Variants in ATP6V0A4 observed in about 807,000 individuals in gnomAD.
The protein encoded by ATP6V0A4 is ATPase H+ transporting V0 subunit a4, also known as V-type proton ATPase 116 kDa subunit a 4.
ATP6V0A4 carries 86 observed loss-of-function variants against 107.3 expected under a neutral mutation model. The observed-to-expected ratio is 0.80, with a 90% CI of 0.67 to 0.96. The LOEUF (loss-of-function observed/expected upper bound fraction) is 0.96, where lower values mean the gene tolerates loss of function less well. ATP6V0A4 is among the 40% of genes least tolerant of loss of function. The pLI, the probability that ATP6V0A4 is intolerant of heterozygous loss-of-function variation, is 0.00. For missense variants in ATP6V0A4, 908 were observed against 1,045.6 expected (o/e 0.87, Z 1.81); for synonymous variants, 353 against 381.4 (o/e 0.93, Z 0.87).
intron 2 of ATP6V0A4, among the ~76,000 whole-genome samples, chr7:138,777,546 A>T (rs1807715595): frequency 6.8e-6 from 1 of 147,454 alleles, no homozygotes; most frequent in Admixed American, 6.9e-5. Flanking sequence ...ACCCGGAAGG[A>T]GGAGGTTGTG....
At chr7:138,784,239 T>TATATATATATATACATATATATATATAC (rs1320407494) in intron 2 of ATP6V0A4, among the ~76,000 whole-genome samples, 5 of 9,640 alleles carry the variant, frequency 5.2e-4, no homozygotes, top group Admixed American at 1.5e-3. Flanking sequence ...TATATACGTA[T>TATATATATATATACATATATATATATAC]ATATATATAT....
intron 19 of ATP6V0A4, among the ~76,000 whole-genome samples, chr7:138,718,577 C>CATGGGGGGGA (rs748280500): frequency 2.4e-5 from 1 of 41,216 alleles, no homozygotes; most frequent in Non-Finnish European, 4.2e-5. Flanking sequence ...TCCGGAGAGG[C>CATGGGGGGGA]ATGGGGCGGA....
intron 1 of ATP6V0A4, among the ~76,000 whole-genome samples, chr7:138,789,968 CAAAAAAAAAAAAA>C (rs34413519): frequency 0.59 from 75,483 of 127,244 alleles, 20,127 homozygotes; most frequent in South Asian, 0.68. Flanking sequence ...GACTCTGTCT[CAAAAAAAAAAAAA>C]AAAAAAAAAG....
intron 18 of ATP6V0A4, among the ~76,000 whole-genome samples, chr7:138,724,103 T>C (rs983305021): frequency 2.0e-5 from 3 of 147,776 alleles, no homozygotes; most frequent in African/African-American, 7.6e-5. Context: ...GACAGGAGGA[T>C]CTCTTGAGCC....
At chr7:138,776,516 C>T (rs781711572) in intron 2 of ATP6V0A4, among the ~76,000 whole-genome samples, 44 of 152,200 alleles carry the variant, frequency 2.9e-4, no homozygotes, top group Non-Finnish European at 5.1e-4. Flanking sequence ...CATATGAGCT[C>T]CAGAGGCACT....
chr7:138,781,748 G>T (rs1375172943), intron 2 of ATP6V0A4, among the ~76,000 whole-genome samples: 2 of 151,966 alleles, frequency 1.3e-5, no homozygotes, highest in Non-Finnish European at 2.9e-5. Context: ...ACTCCAGTAT[G>T]ATGTGAAATG....
intron 20 of ATP6V0A4, among the ~76,000 whole-genome samples, chr7:138,711,495 CAAT>C (rs34590290): frequency 0.029 from 4,346 of 152,264 alleles, 82 homozygotes; most frequent in Middle Eastern, 0.092. Flanking sequence ...TAAAAGGTCA[CAAT>C]GATGTAGCCC....
rs77345506 is a variant in ATP6V0A4, at chr7:138,721,565, C to T, written c.2139+332G>A. Among the ~76,000 whole-genome samples the T allele has an allele frequency of 6.7e-3, 1,023 of 152,180 alleles. 3 individuals carry two copies. The highest frequency in any genetic ancestry group is 0.012 in the Non-Finnish European group (788 of 68,002). On this transcript the variant is annotated intron_variant, in intron 19 of 21. Transcript: ENST00000310018. ...AAACAAAAAAGAGAGCTTATAGGGG[C>T]GTGGTGCTGAGCCAAGGAGTCCTCA...
At chr7:138,734,777 CAAAAA>C (rs528307650) in intron 15 of ATP6V0A4, among the ~76,000 whole-genome samples, 50 of 108,920 alleles carry the variant, frequency 4.6e-4, no homozygotes, top group African/African-American at 6.8e-4. Flanking sequence ...GACTCTGTCT[CAAAAA>C]AAAAAAAAAA....
intron 2 of ATP6V0A4, among the ~76,000 whole-genome samples, chr7:138,777,406 G>C (rs1204373461): frequency 6.6e-6 from 1 of 151,978 alleles, no homozygotes; most frequent in Non-Finnish European, 1.5e-5. Context: ...CCTGAGGTCA[G>C]GAGTTCAAGA....
intron 2 of ATP6V0A4, among the ~76,000 whole-genome samples, chr7:138,782,231 T>C (rs1343851250): frequency 6.6e-6 from 1 of 152,234 alleles, no homozygotes; most frequent in African/African-American, 2.4e-5. Flanking sequence ...ACTTGGCTGC[T>C]GGTGGTTGCT....
intron 1 of ATP6V0A4, among the ~76,000 whole-genome samples, chr7:138,794,659 T>A (rs923881111): frequency 8.3e-5 from 12 of 144,388 alleles, no homozygotes; most frequent in Admixed American, 4.9e-4. Flanking sequence ...CTCACCCATT[T>A]AAAAAAAAAA....
intron 21 of ATP6V0A4, 109 bp from the exon 22 acceptor site, chr7:138,706,826 C>T: frequency 6.5e-7 from 1 of 1,529,336 alleles, no homozygotes; most frequent in East Asian, 2.5e-5. Context: ...AAATCAAGCA[C>T]AAAGTCAGAA....
intron 5 of ATP6V0A4, among the ~76,000 whole-genome samples, chr7:138,765,842 C>T (rs1807060740): frequency 1.3e-5 from 2 of 152,186 alleles, no homozygotes; most frequent in Non-Finnish European, 2.9e-5. Flanking sequence ...CAGCCTCCAC[C>T]TTCTGGTAGC....
chr7:138,737,911 G>A (rs1000212134), intron 15 of ATP6V0A4, among the ~76,000 whole-genome samples: 1 of 151,934 alleles, frequency 6.6e-6, no homozygotes, highest in African/African-American at 2.4e-5. Context: ...ACTGGTGTGT[G>A]CCACCATGCC....
chr7:138,789,349 G>A (rs536888697), intron 1 of ATP6V0A4, among the ~76,000 whole-genome samples: 1 of 152,094 alleles, frequency 6.6e-6, no homozygotes, highest in South Asian at 2.1e-4. Context: ...CTGGGTTCAA[G>A]CAATTCTTCT....
intron 14 of ATP6V0A4, among the ~76,000 whole-genome samples, chr7:138,744,527 C>A (rs551601482): frequency 6.6e-6 from 1 of 151,352 alleles, no homozygotes; most frequent in Non-Finnish European, 1.5e-5. Flanking sequence ...CGTAAGCCAC[C>A]GTGCCCAGCC....
At chr7:138,781,646 T>C (rs1460988601) in intron 2 of ATP6V0A4, among the ~76,000 whole-genome samples, 2 of 151,096 alleles carry the variant, frequency 1.3e-5, no homozygotes, top group Non-Finnish European at 2.9e-5. Context: ...AGATTTTCTA[T>C]ACAGGCAATG....
intron 1 of ATP6V0A4, among the ~76,000 whole-genome samples, chr7:138,792,778 G>GTTTTT (rs1365254498): frequency 2.3e-4 from 11 of 48,024 alleles, no homozygotes; most frequent in African/African-American, 5.2e-4. Context: ...TTTTTTTTTT[G>GTTTTT]TTGTTTTGTT....
Sources: gnomAD v4.1 joint callset for allele counts (sites outside exome capture counted in the v4.1 genomes callset) on GRCh38, gnomAD v4.1.1 for gene constraint, MANE v1.5 for transcripts, NCBI Gene and HGNC (gene_info 2026-07-23, HGNC 2026-07-21) for gene names.